The following TP63 variants were observed in gnomAD, a reference collection of about 807,000 sequenced individuals.
TP63 encodes tumor protein 63.
Under a neutral mutation model 82.8 loss-of-function variants are expected in TP63, and 17 were observed. The observed-to-expected ratio is 0.21, with a 90% CI of 0.14 to 0.31. The LOEUF is 0.31. Ranked by LOEUF, TP63 falls within the 10% of genes least tolerant of loss-of-function variation. The pLI is 1.00. For synonymous variants in TP63, 330 were observed against 321.7 expected (o/e 1.03, Z -0.28); for missense variants, 648 against 895.3 (o/e 0.72, Z 3.52).
chr3:189,866,156 A>G (rs146417217), intron 5 of TP63, among the ~76,000 whole-genome samples: 127 of 152,262 alleles, frequency 8.3e-4, no homozygotes, highest in Non-Finnish European at 1.4e-3. Flanking sequence ...CAACACACAA[A>G]CACCAGAACG....
intron 7 of TP63, 28 bp downstream of exon 7, chr3:189,867,970 C>T (rs1408381730): frequency 6.3e-7 from 1 of 1,589,352 alleles, no homozygotes; most frequent in South Asian, 1.1e-5. Context: ...AATTGTCATT[C>T]TACACAAAAA....
chr3:189,848,508 T>G (rs1715226490), intron 4 of TP63, among the ~76,000 whole-genome samples: 1 of 152,044 alleles, frequency 6.6e-6, no homozygotes, highest in African/African-American at 2.4e-5. Context: ...CATGAGCCAC[T>G]GAACTTGGCC....
chr3:189,789,877 A>G (rs907423351), intron 3 of TP63: 1 of 1,506,878 alleles, frequency 6.6e-7, no homozygotes, highest in Non-Finnish European at 8.9e-7. Flanking sequence ...CCATTTAGAG[A>G]TGCTTTTTAA....
intron 1 of TP63, among the ~76,000 whole-genome samples, chr3:189,637,186 C>T (rs1262421474): frequency 6.6e-6 from 1 of 152,082 alleles, no homozygotes; most frequent in Non-Finnish European, 1.5e-5. Context: ...ATACCTGGAA[C>T]ATCCATGTAG....
At chr3:189,876,490 A>G (rs890887237) in intron 10 of TP63, among the ~76,000 whole-genome samples, 4 of 151,728 alleles carry the variant, frequency 2.6e-5, no homozygotes, top group Non-Finnish European at 5.9e-5. Flanking sequence ...GTGGCCACAG[A>G]TAGATAGTAA....
chr3:189,627,520 A>G (rs898084100), upstream of TP63, among the ~76,000 whole-genome samples: 1 of 152,174 alleles, frequency 6.6e-6, no homozygotes, highest in Non-Finnish European at 1.5e-5. Flanking sequence ...TCACATGGCT[A>G]TTCAAATTTA....
At chr3:189,725,555 G>A (rs891131467) in intron 1 of TP63, among the ~76,000 whole-genome samples, 2 of 151,960 alleles carry the variant, frequency 1.3e-5, no homozygotes, top group East Asian at 3.9e-4. Context: ...ACCAAGAGTT[G>A]GAACAAATAA....
chr3:189,707,111 C>T (rs1357735718), intron 1 of TP63, among the ~76,000 whole-genome samples: 1 of 152,202 alleles, frequency 6.6e-6, no homozygotes, highest in Non-Finnish European at 1.5e-5. Context: ...AAGACATGAT[C>T]ATTTTTAATA....
In TP63 at chr3:189,631,479, G is replaced by C. The variant is rs1181621391; in HGVS notation, c.-37G>C. The C allele has an allele frequency of 1.2e-6, 2 of 1,611,692 alleles. No individual in the cohort carries two copies. Among genetic ancestry groups the C allele is most frequent in the Non-Finnish European group, 1.7e-6 (2 of 1,178,442 alleles). ...GTATATGTGTATATTTTATATAATT[G>C]TTCTCCGTTCGTTGATATCAAAGAC... On this transcript the variant is annotated 5_prime_UTR_variant, in exon 1 of 14. Transcript: ENST00000264731.
intron 1 of TP63, among the ~76,000 whole-genome samples, chr3:189,723,841 G>A (rs939526411): frequency 1.3e-5 from 2 of 152,058 alleles, no homozygotes; most frequent in Non-Finnish European, 2.9e-5. Flanking sequence ...GTTTCTTTTT[G>A]TATTGGAAGA....
At chr3:189,709,787 G>A (rs955669470) in intron 1 of TP63, among the ~76,000 whole-genome samples, 17 of 152,148 alleles carry the variant, frequency 1.1e-4, no homozygotes, top group Non-Finnish European at 2.4e-4. Context: ...GGGAGGCAAT[G>A]TAATATGGAT....
chr3:189,787,838 T>C (rs1241653711), intron 3 of TP63, among the ~76,000 whole-genome samples: 2 of 151,216 alleles, frequency 1.3e-5, no homozygotes, highest in Non-Finnish European at 2.9e-5. Flanking sequence ...GCAGGCTGTA[T>C]AAAATCCAGT....
At position 189,847,112 on chromosome 3, in the gene TP63, C is replaced by A. The variant is rs374374536; in HGVS notation, c.580-17120C>A. On this transcript the variant is annotated intron_variant, in intron 4 of 13. Transcript: ENST00000264731. ...GTGTCTCACGCCTATAATCCCAGCA[C>A]TTCTGGAGATTGAGGCGGGCGGATC... is the stretch of plus-strand genomic sequence containing the variant. Among the ~76,000 whole-genome samples, 67 of 152,212 alleles carry A rather than the reference C, an allele frequency of 4.4e-4. 1 individual carries two copies. In the South Asian group the frequency reaches 0.014, roughly 32 times the overall value.
intron 1 of TP63, among the ~76,000 whole-genome samples, chr3:189,689,907 T>C (rs763408492): frequency 6.6e-6 from 1 of 152,136 alleles, no homozygotes; most frequent in Non-Finnish European, 1.5e-5. Flanking sequence ...TTGAGAACAA[T>C]GAGGCAGATT....
chr3:189,677,814 A>T (rs925673959), intron 1 of TP63, among the ~76,000 whole-genome samples: 1 of 151,876 alleles, frequency 6.6e-6, no homozygotes, highest in African/African-American at 2.4e-5. Context: ...ATGGTATCTC[A>T]TTGTGGTTTT....
chr3:189,692,255 C>T (rs1716991990), intron 1 of TP63, among the ~76,000 whole-genome samples: 1 of 152,124 alleles, frequency 6.6e-6, no homozygotes, highest in African/African-American at 2.4e-5. Flanking sequence ...TTTGAAACAG[C>T]TTTAGATTTT....
chr3:189,835,020 A>G (rs1209147308), intron 4 of TP63, among the ~76,000 whole-genome samples: 1 of 151,774 alleles, frequency 6.6e-6, no homozygotes, highest in Non-Finnish European at 1.5e-5. Flanking sequence ...GATCTTATGG[A>G]TCGTCCGAGT....
chr3:189,863,094 G>A (rs187814940), intron 4 of TP63, among the ~76,000 whole-genome samples: 136 of 152,286 alleles, frequency 8.9e-4, no homozygotes, highest in African/African-American at 3.1e-3. Flanking sequence ...TATCAGTAAC[G>A]AATCCGATTG....
At chr3:189,791,256 G>T (rs111665649) in intron 3 of TP63, among the ~76,000 whole-genome samples, 1 of 151,974 alleles carries the variant, frequency 6.6e-6, no homozygotes, top group African/African-American at 2.4e-5. Flanking sequence ...TTTATAAGCC[G>T]CCTAGGATCT....
Sources: gnomAD v4.1 joint callset for allele counts (sites outside exome capture counted in the v4.1 genomes callset) on GRCh38, gnomAD v4.1.1 for gene constraint, MANE v1.5 for transcripts, NCBI Gene and HGNC (gene_info 2026-07-23, HGNC 2026-07-21) for gene names.